The following GABRB3 variants were observed in gnomAD, a reference collection of about 807,000 sequenced individuals.
GABRB3 encodes gamma-aminobutyric acid receptor subunit beta-3.
In GABRB3, 14 loss-of-function variants were observed where a neutral mutation model predicts 52.1. That is an observed-to-expected ratio of 0.27 (90% CI 0.18 to 0.42). GABRB3 has a LOEUF of 0.42. Ranked by LOEUF, GABRB3 falls within the 10% of genes least tolerant of loss-of-function variation. The probability of loss-of-function intolerance (pLI) is 1.00; values close to 1 mark genes in which losing one functional copy is unlikely to be tolerated. For missense variants in GABRB3, 307 were observed against 609.1 expected, an observed-to-expected ratio of 0.50 and a Z score of 5.22; for synonymous variants, 260 against 232.3, an observed-to-expected ratio of 1.12 and a Z score of -1.08.
chr15:26,628,396 G>A (rs1892788971), intron 3 of GABRB3, among the ~76,000 whole-genome samples: 2 of 152,208 alleles, frequency 1.3e-5, no homozygotes, highest in African/African-American at 4.8e-5. Flanking sequence ...CTGCCCATGT[G>A]GCAGAGACAA....
At chr15:26,660,272 C>T (rs529293675) in intron 3 of GABRB3, among the ~76,000 whole-genome samples, 87 of 151,508 alleles carry the variant, frequency 5.7e-4, no homozygotes, top group Non-Finnish European at 9.4e-4. Context: ...GTAAATGTGG[C>T]GACACTAGGA....
intron 4 of GABRB3, among the ~76,000 whole-genome samples, chr15:26,596,562 T>C (rs1322548706): frequency 1.3e-5 from 2 of 152,154 alleles, no homozygotes; most frequent in Non-Finnish European, 2.9e-5. Flanking sequence ...ATATAAATTA[T>C]ACATTTATGG....
intron 3 of GABRB3, among the ~76,000 whole-genome samples, chr15:26,695,345 CAT>C (rs1888704987): frequency 1.3e-5 from 2 of 152,070 alleles, no homozygotes; most frequent in South Asian, 4.1e-4. Context: ...ACCATGAGAA[CAT>C]ACAGTAGAGT....
intron 3 of GABRB3, among the ~76,000 whole-genome samples, chr15:26,765,395 T>C (rs1038671457): frequency 1.3e-5 from 2 of 152,186 alleles, no homozygotes; most frequent in Admixed American, 6.5e-5. Flanking sequence ...CTTTGGTTGG[T>C]GGTATTATAA....
chr15:26,746,116 AAC>A (rs1890332159), intron 3 of GABRB3, among the ~76,000 whole-genome samples: 1 of 152,166 alleles, frequency 6.6e-6, no homozygotes, highest in Non-Finnish European at 1.5e-5. Context: ...CCCAGTATTA[AAC>A]AGTGTCACTT....
intron 4 of GABRB3, among the ~76,000 whole-genome samples, chr15:26,607,446 C>A (rs1457307019): frequency 6.6e-6 from 1 of 152,024 alleles, no homozygotes; most frequent in African/African-American, 2.4e-5. Context: ...GTGGCACACA[C>A]CTTTAGTGAC....
chr15:26,730,232 A>C (rs1889871404), intron 3 of GABRB3, among the ~76,000 whole-genome samples: 1 of 152,108 alleles, frequency 6.6e-6, no homozygotes, highest in Non-Finnish European at 1.5e-5. Context: ...CCCTGGATTA[A>C]TTGAATAAGA....
chr15:26,554,021 T>TGTATATATATATATATATA (rs1555400757), intron 8 of GABRB3, among the ~76,000 whole-genome samples: 1 of 23,668 alleles, frequency 4.2e-5, no homozygotes, highest in African/African-American at 1.8e-4. Context: ...ACCTGACTAT[T>TGTATATATATATATATATA]TATATATATA....
chr15:26,553,160 TG>T (rs1198461621), intron 8 of GABRB3, among the ~76,000 whole-genome samples: 1 of 152,306 alleles, frequency 6.6e-6, no homozygotes, highest in Non-Finnish European at 1.5e-5. Context: ...TGTTTTGTTT[TG>T]TTTTTTTGAG....
intron 3 of GABRB3, among the ~76,000 whole-genome samples, chr15:26,738,004 G>A (rs538551427): frequency 1.3e-5 from 2 of 152,160 alleles, no homozygotes; most frequent in South Asian, 2.1e-4. Context: ...ATTGCTGGAA[G>A]AGAAATTACT....
chr15:26,612,137 A>G (rs1324455597), intron 4 of GABRB3: 2 of 152,230 alleles, frequency 1.3e-5, no homozygotes, highest in African/African-American at 4.8e-5. Flanking sequence ...ACATTAAACT[A>G]AAAGTGCAGC....
intron 3 of GABRB3, among the ~76,000 whole-genome samples, chr15:26,715,399 G>A (rs1320071150): frequency 7.2e-5 from 11 of 152,180 alleles, no homozygotes; most frequent in Non-Finnish European, 1.5e-4. Flanking sequence ...GATGGTGACA[G>A]AGAATTTTTC....
chr15:26,661,563 G>A (rs1887552579), intron 3 of GABRB3, among the ~76,000 whole-genome samples: 1 of 152,204 alleles, frequency 6.6e-6, no homozygotes, highest in Non-Finnish European at 1.5e-5. Flanking sequence ...GCAGACAAAA[G>A]CAGCACCTCT....
intron 4 of GABRB3, among the ~76,000 whole-genome samples, chr15:26,586,156 G>A (rs757733379): frequency 1.3e-5 from 2 of 151,778 alleles, no homozygotes; most frequent in African/African-American, 2.4e-5. Context: ...CTGCCACCAC[G>A]CCCAGCTAAT....
intron 6 of GABRB3, among the ~76,000 whole-genome samples, chr15:26,577,225 A>C (rs1890624315): frequency 6.6e-6 from 1 of 152,138 alleles, no homozygotes; most frequent in African/African-American, 2.4e-5. Context: ...CATAAACTCC[A>C]AGAAGGGCCA....
chr15:26,642,483 T>C (rs1893229542), intron 3 of GABRB3: 1 of 1,288,922 alleles, frequency 7.8e-7, no homozygotes, highest in Non-Finnish European at 1.0e-6. Flanking sequence ...ATAAGCCACG[T>C]TAGTTCCACA....
chr15:26,619,802 C>T (rs1892407082), intron 4 of GABRB3, among the ~76,000 whole-genome samples: 1 of 151,826 alleles, frequency 6.6e-6, no homozygotes, highest in Non-Finnish European at 1.5e-5. Context: ...TTGCTCTTCC[C>T]CATCACACAC....
At chr15:26,658,354 T>C (rs1347678384) in intron 3 of GABRB3, 1 of 152,230 alleles carries the variant, frequency 6.6e-6, no homozygotes, top group East Asian at 1.9e-4. Flanking sequence ...GCAGGCTCTG[T>C]GTGCATTAAA....
chr15:26,736,775 G>A (rs1890076520), intron 3 of GABRB3, among the ~76,000 whole-genome samples: 1 of 152,252 alleles, frequency 6.6e-6, no homozygotes, highest in African/African-American at 2.4e-5. Context: ...TAGGCAGGTA[G>A]CAAATCCTCA....
Sources: allele counts gnomAD v4.1 joint callset (sites outside exome capture counted in the v4.1 genomes callset), GRCh38; gene constraint gnomAD v4.1.1; transcripts MANE v1.5; gene names NCBI Gene and HGNC (gene_info 2026-07-23, HGNC 2026-07-21).